TMCC1: variants seen among roughly 807,000 people sequenced by gnomAD.
The protein encoded by TMCC1 is transmembrane and coiled-coil domain family 1.
A neutral mutation model predicts 52.4 loss-of-function variants in TMCC1; 15 were observed. The observed-to-expected ratio is 0.29, with a 90% CI of 0.19 to 0.44. The LOEUF is 0.44. TMCC1 is among the 20% of genes least tolerant of loss of function. The probability of loss-of-function intolerance (pLI) is 1.00; values close to 1 mark genes in which losing one functional copy is unlikely to be tolerated. For missense variants in TMCC1, 503 were observed against 806.0 expected (o/e 0.62, Z 4.55); for synonymous variants, 279 against 301.9 (o/e 0.92, Z 0.79).
chr3:129,687,379 C>A (rs1241147920), intron 4 of TMCC1, among the ~76,000 whole-genome samples: 2 of 152,200 alleles, frequency 1.3e-5, no homozygotes, highest in African/African-American at 4.8e-5. Flanking sequence ...CAACTCATTT[C>A]TCTAATTTGT....
chr3:129,852,718 A>C (rs192124771), intron 2 of TMCC1, among the ~76,000 whole-genome samples: 169 of 152,326 alleles, frequency 1.1e-3, no homozygotes, highest in African/African-American at 3.1e-3. Context: ...CCACAATTTT[A>C]AAAACTGAAG....
intron 4 of TMCC1, among the ~76,000 whole-genome samples, chr3:129,722,605 C>T (rs926948850): frequency 6.6e-6 from 1 of 152,078 alleles, no homozygotes; most frequent in Non-Finnish European, 1.5e-5. Flanking sequence ...GTTTTATGCC[C>T]TCCCCCACCT....
intron 4 of TMCC1, among the ~76,000 whole-genome samples, chr3:129,721,886 A>AAACC (rs2049635464): frequency 6.6e-6 from 1 of 151,732 alleles, no homozygotes; most frequent in Non-Finnish European, 1.5e-5. Flanking sequence ...AAAAACAAAC[A>AAACC]AACAAAAAAC....
intron 4 of TMCC1, among the ~76,000 whole-genome samples, chr3:129,746,169 GTT>G (rs1474907445): frequency 4.0e-5 from 6 of 151,662 alleles, no homozygotes. Flanking sequence ...TTAAAAACTG[GTT>G]TAATTTTTTT....
Position 129,830,647 on chromosome 3 carries a change from T to TTTGTTG in TMCC1, c.-131+2121_-131+2126dup, listed in dbSNP as rs1246128871. Among the ~76,000 whole-genome samples the TTTGTTG allele has an allele frequency of 4.6e-5, 7 of 152,292 alleles. No individual in the cohort carries two copies. The East Asian group carries it at 1.4e-3, about 29-fold the overall frequency. On this transcript the variant is annotated intron_variant, in intron 3 of 6. Coordinates refer to ENST00000393238, the MANE Select transcript of TMCC1 (RefSeq NM_001017395.5). ...ACATTATTAGCTAATACAACTGATTTTTGTTGTTGTTGTTGGAAGTAAAAT... is the reference window on the plus strand; with the variant it reads ...ACATTATTAGCTAATACAACTGATTTTTGTTGTTGTTGTTGTTGTTGGAAGTAAAAT...
chr3:129,837,120 A>G (rs1255209901), intron 2 of TMCC1, among the ~76,000 whole-genome samples: 2 of 152,148 alleles, frequency 1.3e-5, no homozygotes, highest in Non-Finnish European at 2.9e-5. Flanking sequence ...GAAAGAGCTG[A>G]AAAAAACCTT....
intron 2 of TMCC1, among the ~76,000 whole-genome samples, chr3:129,860,748 C>T (rs1192504722): frequency 4.0e-5 from 6 of 151,882 alleles, no homozygotes; most frequent in East Asian, 1.9e-4. Context: ...TACAGGTGCC[C>T]GCCACCACAC....
At chr3:129,797,786 A>C (rs1234092260) in intron 4 of TMCC1, among the ~76,000 whole-genome samples, 1 of 152,220 alleles carries the variant, frequency 6.6e-6, no homozygotes, top group Non-Finnish European at 1.5e-5. Flanking sequence ...AAAAACTTTA[A>C]GCAGAAAGAA....
Position 129,887,023 on chromosome 3 carries a change from T to C in TMCC1, c.-434-6464A>G, listed in dbSNP as rs72989362. ...GACATGTTTAGAATAGGCAAACCCA[T>C]AGGACAAAAATCAGACTGTGGTTGC... On this transcript the variant is annotated intron_variant, in intron 1 of 6. Coordinates refer to ENST00000393238, the MANE Select transcript of TMCC1 (RefSeq NM_001017395.5). Among the ~76,000 whole-genome samples the C allele has an allele frequency of 4.3e-3, 652 of 152,114 alleles. 5 individuals are homozygous for C. Among genetic ancestry groups the C allele is most frequent in the African/African-American group, 0.014 (592 of 41,506 alleles).
At chr3:129,843,041 C>A (rs1177617966) in intron 2 of TMCC1, among the ~76,000 whole-genome samples, 1 of 152,052 alleles carries the variant, frequency 6.6e-6, no homozygotes, top group Non-Finnish European at 1.5e-5. Flanking sequence ...AAAAAAAGAA[C>A]AAATTATAAC....
intron 1 of TMCC1, among the ~76,000 whole-genome samples, chr3:129,889,610 A>G (rs2061870749): frequency 6.6e-6 from 1 of 152,198 alleles, no homozygotes; most frequent in Non-Finnish European, 1.5e-5. Context: ...GTAAATCTAA[A>G]TTTTAAAGTC....
At chr3:129,845,067 T>C (rs1049946266) in intron 2 of TMCC1, among the ~76,000 whole-genome samples, 5 of 152,008 alleles carry the variant, frequency 3.3e-5, no homozygotes, top group Non-Finnish European at 7.4e-5. Context: ...TGTATCCCTG[T>C]AGTCCCAGCT....
chr3:129,767,811 G>A (rs74923099), intron 4 of TMCC1, among the ~76,000 whole-genome samples: 6,112 of 152,216 alleles, frequency 0.04, 186 homozygotes, highest in Non-Finnish European at 0.063. Flanking sequence ...CCTTGTTATA[G>A]CATGTATCGG....
In TMCC1 at chr3:129,880,316, A is replaced by G. The variant is rs1258656262; in HGVS notation, c.-191T>C. The G allele has an allele frequency of 3.9e-5, 6 of 152,212 alleles. No individual in the cohort carries two copies. The highest frequency in any genetic ancestry group is 3.9e-4 in the Admixed American group (6 of 15,280). The allele number at this position is 152,212 out of a possible 1,614,324, so 9.4% of individuals were successfully genotyped here. A position where few individuals can be genotyped will look rare whatever the true frequency, so the allele number is the denominator to read the frequency against. On this transcript the variant is annotated 5_prime_UTR_variant, in exon 2 of 7. Transcript: ENST00000393238. Reference sequence around the variant, plus strand: ...GAAGAAAAAACGACATACCTCCTCAAAATCCCAGCAATAGCTTCCCTTTCT... The same window carrying G: ...GAAGAAAAAACGACATACCTCCTCAGAATCCCAGCAATAGCTTCCCTTTCT...
chr3:129,755,527 T>C (rs150766715), intron 4 of TMCC1, among the ~76,000 whole-genome samples: 2 of 152,282 alleles, frequency 1.3e-5, no homozygotes, highest in African/African-American at 4.8e-5. Flanking sequence ...ATCCAGAATA[T>C]GTAAAGAACT....
At chr3:129,699,051 C>T in intron 4 of TMCC1, among the ~76,000 whole-genome samples, 1 of 151,982 alleles carries the variant, frequency 6.6e-6, no homozygotes, top group Non-Finnish European at 1.5e-5. Flanking sequence ...GGAAGATTTC[C>T]TTTGAAAAAA....
intron 4 of TMCC1, among the ~76,000 whole-genome samples, chr3:129,799,373 A>G (rs1406356878): frequency 6.6e-6 from 1 of 152,194 alleles, no homozygotes; most frequent in Non-Finnish European, 1.5e-5. Context: ...TATTTGGCCC[A>G]GTTCCTTGTA....
chr3:129,828,056 T>C lies in TMCC1; in HGVS notation c.323A>G (p.Gln108Arg). 1 of 1,614,206 alleles carries C rather than the reference T, an allele frequency of 6.2e-7. No homozygotes were observed. The highest frequency in any genetic ancestry group is 8.5e-7 in the Non-Finnish European group (1 of 1,180,026). Residue 108 changes from glutamine (Q) to arginine (R), a missense_variant, in exon 4 of 7, where the codon CAG becomes CGG. Coordinates refer to ENST00000393238, the MANE Select transcript of TMCC1 (RefSeq NM_001017395.5). This position sits in a 1 kb window ranked among gnomAD's most constrained non-coding sequence, Gnocchi z 4.1. ...HPTALNRVLQ[Q>R]IRVPPKMKRG... The stretch of plus-strand genomic sequence containing the variant: ...CTTCATCTTGGGTGGCACTCGAATC[T>C]GCTGCAGGACACGATTCAGAGCTGT...
At chr3:129,865,358 C>T (rs1300819275) in intron 2 of TMCC1, among the ~76,000 whole-genome samples, 2 of 151,728 alleles carry the variant, frequency 1.3e-5, no homozygotes, top group Non-Finnish European at 2.9e-5. Flanking sequence ...GCCATGTTGC[C>T]CAGGCTTGTT....
Sources: gnomAD v4.1 joint callset for allele counts (sites outside exome capture counted in the v4.1 genomes callset) on GRCh38, gnomAD v4.1.1 for gene constraint, Gnocchi (gnomAD v3.1) non-coding constraint, MANE v1.5 for transcripts, NCBI Gene and HGNC (gene_info 2026-07-23, HGNC 2026-07-21) for gene names.